The following DPYD variants were observed in gnomAD, a reference collection of about 807,000 sequenced individuals.
The protein encoded by DPYD is dihydropyrimidine dehydrogenase.
A neutral mutation model predicts 116.2 loss-of-function variants in DPYD; 109 were observed. That is an observed-to-expected ratio of 0.94 (90% CI 0.80 to 1.10). The LOEUF (loss-of-function observed/expected upper bound fraction) is 1.10, where lower values mean the gene tolerates loss of function less well. Ranked by LOEUF, DPYD falls within the 50% of genes least tolerant of loss-of-function variation. The probability of loss-of-function intolerance (pLI) is 0.00; values close to 1 mark genes in which losing one functional copy is unlikely to be tolerated. For synonymous variants in DPYD, 440 were observed against 432.0 expected (o/e 1.02, Z -0.23); for missense variants, 1,302 against 1,254.5 (o/e 1.04, Z -0.57).
At chr1:97,563,953 T>C (rs1652342488) in intron 11 of DPYD, among the ~76,000 whole-genome samples, 1 of 152,156 alleles carries the variant, frequency 6.6e-6, no homozygotes, top group South Asian at 2.1e-4. Context: ...TATTTCGTAA[T>C]AGAAAGATGA....
chr1:97,795,315 C>T (rs1667510714), intron 3 of DPYD, among the ~76,000 whole-genome samples: 1 of 151,946 alleles, frequency 6.6e-6, no homozygotes, highest in Non-Finnish European at 1.5e-5. Context: ...TGCCTAGCTA[C>T]AAATTTCATC....
At chr1:97,195,634 G>GTATATATATA (rs71071637) in intron 19 of DPYD, among the ~76,000 whole-genome samples, 70 of 57,654 alleles carry the variant, frequency 1.2e-3, no homozygotes, top group Non-Finnish European at 1.5e-3. Context: ...ATATGTATGT[G>GTATATATATA]TATATATATA....
intron 19 of DPYD, among the ~76,000 whole-genome samples, chr1:97,198,915 T>C (rs983513717): frequency 1.3e-5 from 2 of 152,074 alleles, no homozygotes; most frequent in African/African-American, 4.8e-5. Context: ...GTGGCCCCCG[T>C]GCAGCGTGAT....
Position 97,627,494 on chromosome 1 carries a change from A to G in DPYD, c.851-32328T>C, listed in dbSNP as rs555786260. ...TCACTCTGTTTCAGGTATTTTCCCT[A>G]TATCACCCTCCTGCTCTGCAATTCC... is the stretch of plus-strand genomic sequence containing the variant. On this transcript the variant is annotated intron_variant, in intron 8 of 22. Transcript: ENST00000370192. Among the ~76,000 whole-genome samples the G allele has an allele frequency of 3.3e-5, 5 of 152,170 alleles. No homozygotes were observed. The East Asian group carries it at 7.7e-4, about 24-fold the overall frequency.
In DPYD at chr1:97,815,054, A is replaced by G. The variant is rs140665885; in HGVS notation, c.233+13060T>C. On this transcript the variant is annotated intron_variant, in intron 3 of 22. Coordinates refer to ENST00000370192, the MANE Select transcript of DPYD (RefSeq NM_000110.4). ...AGGAAGGAAGGAGAGAGAGAGAAAG[A>G]GGGAGAAAGAAAGAAAGAAAAGAGA... Among the ~76,000 whole-genome samples, 52 of 151,476 alleles carry G rather than the reference A, an allele frequency of 3.4e-4. No individual in the cohort carries two copies. In the East Asian group the frequency reaches 9.4e-3, roughly 27 times the overall value.
intron 1 of DPYD, among the ~76,000 whole-genome samples, chr1:97,915,023 AT>A (rs1293682838): frequency 6.6e-6 from 1 of 152,214 alleles, no homozygotes; most frequent in Admixed American, 6.5e-5. Context: ...CAGTAATAAC[AT>A]TTAAAATAAG....
chr1:97,752,302 AC>A (rs1664976399), intron 3 of DPYD, among the ~76,000 whole-genome samples: 1 of 151,092 alleles, frequency 6.6e-6, no homozygotes, highest in South Asian at 2.1e-4. Flanking sequence ...ACACACACAC[AC>A]ACACACACAC....
intron 18 of DPYD, among the ~76,000 whole-genome samples, chr1:97,270,540 C>T (rs542902993): frequency 6.6e-6 from 1 of 152,236 alleles, no homozygotes; most frequent in East Asian, 1.9e-4. Flanking sequence ...AAACATGGGG[C>T]TGGTAAGCTC....
chr1:97,540,377 CAAAACAAAACA>C (rs1353032818), intron 12 of DPYD, among the ~76,000 whole-genome samples: 9 of 150,412 alleles, frequency 6.0e-5, no homozygotes, highest in South Asian at 2.1e-4. Context: ...CAAAACAAAA[CAAAACAAAACA>C]AAACAAAAAC....
At chr1:97,214,115 A>AT (rs1660219595) in intron 19 of DPYD, among the ~76,000 whole-genome samples, 1 of 152,102 alleles carries the variant, frequency 6.6e-6, no homozygotes, top group African/African-American at 2.4e-5. Flanking sequence ...TGCTGTACTA[A>AT]TTTCTCCAGG....
intron 12 of DPYD, among the ~76,000 whole-genome samples, chr1:97,528,554 C>A (rs998368091): frequency 1.1e-4 from 16 of 152,100 alleles, no homozygotes; most frequent in Middle Eastern, 3.2e-3. Flanking sequence ...ATTATCAGCT[C>A]TTTAGCAACT....
chr1:97,656,397 T>A (rs1020872569), intron 8 of DPYD, among the ~76,000 whole-genome samples: 4 of 152,188 alleles, frequency 2.6e-5, no homozygotes, highest in Admixed American at 1.3e-4. Flanking sequence ...CTTTTTTTAA[T>A]ACACTCTTCA....
At chr1:97,171,152 G>A (rs1168667919) in intron 20 of DPYD, among the ~76,000 whole-genome samples, 4 of 152,172 alleles carry the variant, frequency 2.6e-5, no homozygotes, top group Non-Finnish European at 4.4e-5. Flanking sequence ...GAAGGAGGAA[G>A]AGTTGGACCT....
At chr1:97,488,116 C>T (rs1048734420) in intron 13 of DPYD, among the ~76,000 whole-genome samples, 7 of 151,416 alleles carry the variant, frequency 4.6e-5, no homozygotes, top group African/African-American at 1.7e-4. Flanking sequence ...TAGCTATTGA[C>T]ATAGGCAAAA....
chr1:97,208,499 T>C (rs1659816405), intron 19 of DPYD, among the ~76,000 whole-genome samples: 1 of 151,952 alleles, frequency 6.6e-6, no homozygotes, highest in African/African-American at 2.4e-5. Context: ...TTGCCCAGGC[T>C]GATCTTGAAC....
intron 21 of DPYD, among the ~76,000 whole-genome samples, chr1:97,083,817 C>T (rs758838458): frequency 7.2e-5 from 11 of 152,034 alleles, no homozygotes; most frequent in Non-Finnish European, 1.2e-4. Context: ...AATAGCATTA[C>T]GATTTTTCCA....
At chr1:97,791,957 C>T (rs867237977) in intron 3 of DPYD, among the ~76,000 whole-genome samples, 3 of 152,250 alleles carry the variant, frequency 2.0e-5, no homozygotes, top group Middle Eastern at 6.8e-3. Context: ...AAGCAGAGTG[C>T]TCATAATATT....
At chr1:97,243,531 C>T (rs1236821234) in intron 18 of DPYD, among the ~76,000 whole-genome samples, 1 of 151,834 alleles carries the variant, frequency 6.6e-6, no homozygotes, top group Non-Finnish European at 1.5e-5. Context: ...ACTCCCAACA[C>T]CATGCTCTTA....
Position 97,573,964 on chromosome 1 carries a change from G to C in DPYD, c.1135C>G (p.Leu379Val), listed in dbSNP as rs1463235938. ...NIRAVPEEME[L>V]AKEEKCEFLP... ...AATTCACACTTTTCTTCCTTAGCAA[G>C]TTCCATCTAAAACAAAACAGAACAG... Residue 379 changes from leucine to valine, a missense_variant, in exon 11 of 23, where the codon CTT becomes GTT. Physicochemically the swap from Leu to Val is conservative, Grantham distance 32 (BLOSUM62 1). Coordinates refer to ENST00000370192, the MANE Select transcript of DPYD (RefSeq NM_000110.4). 6.2e-7 allele frequency: 1 copy of C among 1,613,376 alleles called. No individual in the cohort carries two copies. The highest frequency in any genetic ancestry group is 1.1e-5 in the South Asian group (1 of 91,072).
Sources: allele counts gnomAD v4.1 joint callset (sites outside exome capture counted in the v4.1 genomes callset), GRCh38; gene constraint gnomAD v4.1.1; transcripts MANE v1.5; gene names NCBI Gene and HGNC (gene_info 2026-07-23, HGNC 2026-07-21).